The following RHOQ variants were observed in gnomAD, a reference collection of about 807,000 sequenced individuals.
The protein encoded by RHOQ is ras homolog family member Q, also known as rho-related GTP-binding protein RhoQ.
A neutral mutation model predicts 25.8 loss-of-function variants in RHOQ; 7 were observed. The observed-to-expected ratio is 0.27, with a 90% CI of 0.15 to 0.51. The LOEUF is 0.51. RHOQ is among the 20% of genes least tolerant of loss of function. The probability of loss-of-function intolerance (pLI) is 0.97; values close to 1 mark genes in which losing one functional copy is unlikely to be tolerated. For missense variants in RHOQ, 165 were observed against 260.6 expected (o/e 0.63, Z 2.53); for synonymous variants, 97 against 98.6 (o/e 0.98, Z 0.10).
At chr2:46,564,666 A>C (rs529622602) in intron 2 of RHOQ, among the ~76,000 whole-genome samples, 5 of 152,338 alleles carry the variant, frequency 3.3e-5, no homozygotes, top group African/African-American at 1.2e-4. Context: ...TGCAGCCTTC[A>C]TCTGAGTGTA....
chr2:46,562,393 C>G (rs1668604234), intron 2 of RHOQ, among the ~76,000 whole-genome samples: 1 of 152,208 alleles, frequency 6.6e-6, no homozygotes, highest in Admixed American at 6.6e-5. Context: ...GACAGTTTAT[C>G]TGGTGATTTT....
At chr2:46,578,073 T>C (rs1240299233) in intron 4 of RHOQ, among the ~76,000 whole-genome samples, 2 of 151,902 alleles carry the variant, frequency 1.3e-5, no homozygotes, top group African/African-American at 4.8e-5. Flanking sequence ...CAGATACCAA[T>C]AGAAAAATGG....
At chr2:46,553,825 C>T (rs777278420) in intron 2 of RHOQ, among the ~76,000 whole-genome samples, 3 of 152,186 alleles carry the variant, frequency 2.0e-5, no homozygotes, top group Non-Finnish European at 2.9e-5. Context: ...GATCCGCCCA[C>T]TTCAGCCTCC....
In RHOQ at chr2:46,582,009, T is replaced by C. The variant is rs1236784256; in HGVS notation, c.*926T>C. The stretch of plus-strand genomic sequence containing the variant: ...GCTGACCAAACCACAAGAAACTTTC[T>C]TTAAGTTGTGTTAAAGAGGAAAGAC... On this transcript the variant is annotated 3_prime_UTR_variant, in exon 5 of 5. Coordinates refer to ENST00000238738, the MANE Select transcript of RHOQ (RefSeq NM_012249.4). 1 of 158,566 alleles carries C rather than the reference T, an allele frequency of 6.3e-6. No individual in the cohort carries two copies. Among genetic ancestry groups the C allele is most frequent in the African/African-American group, 2.4e-5 (1 of 41,386 alleles). The allele number at this position is 158,566 out of a possible 1,614,324, so 9.8% of individuals were successfully genotyped here.
chr2:46,579,827 A>G (rs1669280369), intron 4 of RHOQ, among the ~76,000 whole-genome samples: 1 of 148,698 alleles, frequency 6.7e-6, no homozygotes, highest in Non-Finnish European at 1.5e-5. Flanking sequence ...CCTGGGCAAC[A>G]AGAGTGAAAC....
intron 1 of RHOQ, chr2:46,543,393 C>T (rs1667904572): frequency 3.3e-6 from 2 of 614,772 alleles, no homozygotes; most frequent in Non-Finnish European, 2.8e-6. Context: ...CCACCCGCCC[C>T]CTACGCGGCT....
intron 1 of RHOQ, chr2:46,543,461 A>C: frequency 1.7e-6 from 1 of 596,132 alleles, no homozygotes; most frequent in East Asian, 2.8e-5. Flanking sequence ...TGACCTTCCC[A>C]CATCCCCTTT....
At position 46,576,347 on chromosome 2, in the gene RHOQ, TGTAA is replaced by T. The variant is rs2104030234; in HGVS notation, c.366+99_366+102del. On this transcript the variant is annotated intron_variant, in intron 3 of 4. Transcript: ENST00000238738. This position sits in a 1 kb window ranked among gnomAD's most constrained non-coding sequence, Gnocchi z 5.1. Reference sequence around the variant, plus strand: ...AACAGTCCCAAAGCTGAGCAAATGATGTAAGTGTTTAATCTCAGCTGCAAGTTAA... The same window carrying T: ...AACAGTCCCAAAGCTGAGCAAATGATGTGTTTAATCTCAGCTGCAAGTTAA... 2 of 1,123,280 alleles carry T rather than the reference TGTAA, an allele frequency of 1.8e-6. No homozygotes were observed. The highest frequency in any genetic ancestry group is 1.6e-5 in the South Asian group (1 of 63,796). The allele number at this position is 1,123,280 out of a possible 1,614,324, so 69.6% of individuals were successfully genotyped here. A position where few individuals can be genotyped will look rare whatever the true frequency, so the allele number is the denominator to read the frequency against.
At chr2:46,557,605 A>G (rs992743691) in intron 2 of RHOQ, among the ~76,000 whole-genome samples, 4 of 152,158 alleles carry the variant, frequency 2.6e-5, no homozygotes, top group African/African-American at 9.7e-5. Context: ...ACTTCTTTAT[A>G]CTTTATTGTG....
intron 2 of RHOQ, among the ~76,000 whole-genome samples, chr2:46,551,097 C>T (rs1668226581): frequency 6.6e-6 from 1 of 152,196 alleles, no homozygotes; most frequent in Non-Finnish European, 1.5e-5. Context: ...TGCCACTTCC[C>T]AGCAAGGGGC....
chr2:46,554,765 TC>T (rs1311981025), intron 2 of RHOQ, among the ~76,000 whole-genome samples: 4 of 151,674 alleles, frequency 2.6e-5, no homozygotes, highest in African/African-American at 9.7e-5. Flanking sequence ...CTGCGCCTGC[TC>T]TTTTACATTT....
rs372692212 is a variant in RHOQ, at chr2:46,580,881, G to A, written c.463-47G>A. ...ATGATGTGTTTATGTCATGCCAATT[G>A]TATAAACATGATCTTATATATTTGT... On this transcript the variant is annotated intron_variant, in intron 4 of 4. Coordinates refer to ENST00000238738, the MANE Select transcript of RHOQ (RefSeq NM_012249.4). 7.4e-6 allele frequency: 10 copies of A among 1,344,536 alleles called. No homozygotes were observed. In the East Asian group the frequency reaches 2.4e-4, roughly 32 times the overall value. 83.3% of individuals were successfully genotyped at this position (1,344,536 alleles called of 1,614,324 possible). A position where few individuals can be genotyped will look rare whatever the true frequency, so the allele number is the denominator to read the frequency against.
In RHOQ at chr2:46,569,731, A is replaced by C. The variant is rs1668852005; in HGVS notation, c.202-6356A>C. Among the ~76,000 whole-genome samples the C allele has an allele frequency of 6.6e-6, 1 of 152,230 alleles. No homozygotes were observed. The highest frequency in any genetic ancestry group is 1.5e-5 in the Non-Finnish European group (1 of 68,046). On this transcript the variant is annotated intron_variant, in intron 2 of 4. Coordinates refer to ENST00000238738, the MANE Select transcript of RHOQ (RefSeq NM_012249.4). This position sits in a 1 kb window ranked among gnomAD's most constrained non-coding sequence, Gnocchi z 4.1. Reference sequence around the variant, plus strand: ...AAGATGACAGTAGCTAAAAGTAAGAAGCTAAACCTTTAATTTCAAGAATTC... The same window carrying C: ...AAGATGACAGTAGCTAAAAGTAAGACGCTAAACCTTTAATTTCAAGAATTC...
In RHOQ at chr2:46,576,825, C is replaced by A; in HGVS notation, c.462+169C>A. On this transcript the variant is annotated intron_variant, in intron 4 of 4. Transcript: ENST00000238738. The surrounding 1 kb of genome is among the most constrained non-coding windows in gnomAD (Gnocchi z 5.1). ...AGGTAGGTCTGTTTCCCCTGTTACA[C>A]AGAAGAGACAGTGGAGGCTGGGAGA... is the stretch of plus-strand genomic sequence containing the variant. The A allele has an allele frequency of 2.1e-6, 1 of 470,368 alleles. No individual in the cohort carries two copies. Among genetic ancestry groups the A allele is most frequent in the Non-Finnish European group, 3.8e-6 (1 of 261,956 alleles). The allele number at this position is 470,368 out of a possible 1,614,324, so 29.1% of individuals were successfully genotyped here. A position where few individuals can be genotyped will look rare whatever the true frequency, so the allele number is the denominator to read the frequency against.
chr2:46,549,484 G>A (rs376452517), intron 2 of RHOQ, among the ~76,000 whole-genome samples: 18 of 152,270 alleles, frequency 1.2e-4, no homozygotes, highest in East Asian at 9.6e-4. Flanking sequence ...ACATGTGTTG[G>A]CAGCTGTGGG....
intron 4 of RHOQ, among the ~76,000 whole-genome samples, chr2:46,577,989 T>G (rs191813661): frequency 6.6e-6 from 1 of 152,132 alleles, no homozygotes; most frequent in Non-Finnish European, 1.5e-5. Context: ...TAACCTGAGA[T>G]GGATGGCAGA....
chr2:46,543,295 TC>T, intron 1 of RHOQ, 107 bp downstream of exon 1: 3 of 1,133,464 alleles, frequency 2.6e-6, no homozygotes, highest in Non-Finnish European at 3.6e-6. Flanking sequence ...TCCTCTCCCC[TC>T]CCCCGCCGCG....
At chr2:46,560,615 G>C (rs1417219961) in intron 2 of RHOQ, 19 of 456,158 alleles carry the variant, frequency 4.2e-5, no homozygotes, top group Admixed American at 3.1e-4. Context: ...TTCCATACGA[G>C]AGCATGGGTT....
chr2:46,567,963 A>C (rs1215440659), intron 2 of RHOQ, among the ~76,000 whole-genome samples: 1 of 152,008 alleles, frequency 6.6e-6, no homozygotes, highest in Admixed American at 6.6e-5. Flanking sequence ...AGTATCAACT[A>C]CTCGGGAGGC....
Sources: allele counts gnomAD v4.1 joint callset (sites outside exome capture counted in the v4.1 genomes callset), GRCh38; gene constraint gnomAD v4.1.1; non-coding constraint Gnocchi (gnomAD v3.1); transcripts MANE v1.5; gene names NCBI Gene and HGNC (gene_info 2026-07-23, HGNC 2026-07-21).